FBXO10: variants seen among roughly 807,000 people sequenced by gnomAD.
FBXO10 encodes F-box only protein 10.
A neutral mutation model predicts 80.7 loss-of-function variants in FBXO10; 39 were observed. The observed-to-expected ratio is 0.48, with a 90% CI of 0.37 to 0.63. FBXO10 has a LOEUF of 0.63. Among genes scored for constraint, FBXO10 ranks in the 30% least tolerant of loss-of-function variants. The probability of loss-of-function intolerance (pLI) is 0.00; values close to 1 mark genes in which losing one functional copy is unlikely to be tolerated. For synonymous variants in FBXO10, 449 were observed against 489.6 expected, an observed-to-expected ratio of 0.92 and a Z score of 1.09; for missense variants, 1,025 against 1,269.0, an observed-to-expected ratio of 0.81 and a Z score of 2.92.
intron 8 of FBXO10, among the ~76,000 whole-genome samples, chr9:37,520,325 T>C (rs1007110295): frequency 4.0e-5 from 6 of 149,740 alleles, no homozygotes; most frequent in African/African-American, 1.5e-4. Context: ...TTTTTTTTTT[T>C]TTTTTTTTCC....
At chr9:37,513,220 A>T (rs1451709835) in intron 10 of FBXO10, among the ~76,000 whole-genome samples, 1 of 152,190 alleles carries the variant, frequency 6.6e-6, no homozygotes, top group Non-Finnish European at 1.5e-5. Flanking sequence ...GCCGGTCTTA[A>T]ACTCCTGGGC....
rs939725856 is a variant in FBXO10 at position 37,511,395 on chromosome 9, C to T, written c.*1152G>A. 6.5e-6 allele frequency: 1 copy of T among 152,824 alleles called. No individual in the cohort carries two copies. The highest frequency in any genetic ancestry group is 1.5e-5 in the Non-Finnish European group (1 of 68,414). 9.5% of individuals were successfully genotyped at this position (152,824 alleles called of 1,614,324 possible). ...CCTCACTCAGGCCACTAATCCTACC[C>T]CAACCCCAGGCTGGATCTGGGGACA... On this transcript the variant is annotated 3_prime_UTR_variant, in exon 11 of 11. Transcript: ENST00000432825.
intron 5 of FBXO10, 51 bp from the exon 6 acceptor site, chr9:37,525,223 C>A: frequency 6.6e-7 from 1 of 1,510,264 alleles, no homozygotes; most frequent in South Asian, 1.2e-5. Flanking sequence ...GCATCAATGT[C>A]ATGCTTCCAG....
chr9:37,555,247 G>T (rs1046713207), intron 1 of FBXO10, among the ~76,000 whole-genome samples: 2 of 151,822 alleles, frequency 1.3e-5, no homozygotes, highest in Non-Finnish European at 2.9e-5. Flanking sequence ...TATCATTCTG[G>T]TGGGTATGTA....
Position 37,566,583 on chromosome 9 carries a change from G to A in FBXO10, c.-7+9628C>T, listed in dbSNP as rs529812157. On this transcript the variant is annotated intron_variant, in intron 1 of 10. Coordinates refer to ENST00000432825, the MANE Select transcript of FBXO10 (RefSeq NM_012166.3). Reference sequence around the variant, plus strand: ...GGCACACAAGCCTCACAGGCACAGCGTAAATAACTACAAACTGTATTAACT... The same window carrying A: ...GGCACACAAGCCTCACAGGCACAGCATAAATAACTACAAACTGTATTAACT... Among the ~76,000 whole-genome samples the A allele has an allele frequency of 3.3e-5, 5 of 152,164 alleles. No individual in the cohort carries two copies. The East Asian group carries it at 5.8e-4, about 18-fold the overall frequency.
In FBXO10 at chr9:37,541,271, C is replaced by T; in HGVS notation, c.498G>A (p.Leu166=). 1 of 1,613,964 alleles carries T rather than the reference C, an allele frequency of 6.2e-7. No homozygotes were observed. The highest frequency in any genetic ancestry group is 8.5e-7 in the Non-Finnish European group (1 of 1,179,876). ...VGQGKLGEVA[L]LASIDQHCST... is the part of the protein sequence containing the mutation. ...AGCAGTGCTGATCAATGCTGGCCAG[C>T]AGGGCCACTTCACCCAACTTCCCCT... Residue 166 remains leucine (L), a synonymous_variant, in exon 2 of 11, where the codon CTG becomes CTA. Transcript: ENST00000432825.
At chr9:37,528,995 G>T in intron 5 of FBXO10, 129 bp downstream of exon 5, 1 of 1,239,196 alleles carries the variant, frequency 8.1e-7, no homozygotes, top group Non-Finnish European at 1.1e-6. Context: ...GTGTTACTGG[G>T]GTGGGATGAT....
intron 8 of FBXO10, 56 bp from the exon 9 acceptor site, chr9:37,518,494 C>T (rs1821242820): frequency 1.4e-6 from 2 of 1,446,684 alleles, no homozygotes; most frequent in Non-Finnish European, 1.8e-6. Context: ...CCTGACACCA[C>T]CAGTCAGGAA....
chr9:37,543,204 C>T (rs1209789894), intron 1 of FBXO10, among the ~76,000 whole-genome samples: 1 of 152,222 alleles, frequency 6.6e-6, no homozygotes, highest in Non-Finnish European at 1.5e-5. Context: ...TACCTACTTG[C>T]TTTTTCTGGA....
At chr9:37,521,866 G>C in intron 7 of FBXO10, 28 bp from the exon 8 acceptor site, 1 of 1,538,350 alleles carries the variant, frequency 6.5e-7, no homozygotes. Context: ...GCTGGTCACC[G>C]ACACTGAACT....
At chr9:37,528,286 A>C (rs965692371) in intron 5 of FBXO10, among the ~76,000 whole-genome samples, 3 of 152,180 alleles carry the variant, frequency 2.0e-5, no homozygotes, top group African/African-American at 7.2e-5. Context: ...GTCTGCCGCA[A>C]GGACGTCAAG....
rs1015984437 is a variant in FBXO10 at position 37,515,974 on chromosome 9, T to C, written c.2626A>G (p.Ile876Val). ...IIFQGKTSKT[I>V]FQQISNNREC... ...CGGTTGTTTGAGATCTGCTGAAAGA[T>C]GGTCTTACTGGTTTTGCCCTGGAAG... Residue 876 changes from isoleucine to valine, a missense_variant, in exon 10 of 11, where the codon ATC becomes GTC. Physicochemically the swap from Ile to Val is conservative, Grantham distance 29. Around this residue, in one of 3 missense-constraint regions of FBXO10, gnomAD observed 478 missense variants for 667.8 expected, o/e 0.72. Transcript: ENST00000432825. 5 of 1,613,948 alleles carry C rather than the reference T, an allele frequency of 3.1e-6. No individual in the cohort carries two copies. The highest frequency in any genetic ancestry group is 2.7e-5 in the African/African-American group (2 of 74,938).
chr9:37,567,549 C>T (rs1023583206), intron 1 of FBXO10, among the ~76,000 whole-genome samples: 1 of 152,098 alleles, frequency 6.6e-6, no homozygotes. Context: ...TAGTGCATAA[C>T]AATTGCAGGA....
chr9:37,572,702 T>C (rs1167517436), intron 1 of FBXO10, among the ~76,000 whole-genome samples: 1 of 152,224 alleles, frequency 6.6e-6, no homozygotes, highest in East Asian at 1.9e-4. Flanking sequence ...GAGGAAATTA[T>C]GATTTGGAAG....
Position 37,512,715 on chromosome 9 carries a change from A to T in FBXO10, c.2703T>A (p.Asp901Glu), listed in dbSNP as rs201715857. 3.3e-4 allele frequency: 535 copies of T among 1,613,368 alleles called. No individual in the cohort carries two copies. The highest frequency in any genetic ancestry group is 4.2e-4 in the Non-Finnish European group (491 of 1,179,596). The change falls in exon 11 of 11, where the codon GAT becomes GAA. Residue 901 changes from aspartate (D) to glutamate (E), a missense_variant. By Grantham distance (45) the Asp-to-Glu change is conservative. Around this residue, in one of 3 missense-constraint regions of FBXO10, gnomAD observed 97 missense variants for 101.8 expected, o/e 0.95. Coordinates refer to ENST00000432825, the MANE Select transcript of FBXO10 (RefSeq NM_012166.3). Reference protein sequence around the residue: ...NKFLVFKKKSDTWRLVNPPAR... With the variant: ...NKFLVFKKKSETWRLVNPPAR... ...CTGGTGGGTTCACCAGGCGCCACGT[A>T]TCAGACCTGGAGGTGCAAAACGAAA... is the stretch of plus-strand genomic sequence containing the variant.
At chr9:37,512,911 G>A (rs1488247623) in intron 10 of FBXO10, among the ~76,000 whole-genome samples, 190 bp from the exon 11 acceptor site, 1 of 152,208 alleles carries the variant, frequency 6.6e-6, no homozygotes, top group Non-Finnish European at 1.5e-5. Flanking sequence ...CAAAAGCCCT[G>A]CATTCCACGT....
chr9:37,528,626 C>T (rs11790325), intron 5 of FBXO10, among the ~76,000 whole-genome samples: 10,922 of 152,232 alleles, frequency 0.072, 511 homozygotes, highest in South Asian at 0.12. Context: ...CAGCATTTAT[C>T]ACAGTCTGCC....
At position 37,522,596 on chromosome 9, in the gene FBXO10, G is replaced by A. The variant is rs78562944; in HGVS notation, c.1930+229C>T. 47 of 1,294,592 alleles carry A rather than the reference G, an allele frequency of 3.6e-5. No individual in the cohort carries two copies. The East Asian group carries it at 1.3e-3, about 35-fold the overall frequency. The allele number at this position is 1,294,592 out of a possible 1,614,324, so 80.2% of individuals were successfully genotyped here. A position where few individuals can be genotyped will look rare whatever the true frequency, so the allele number is the denominator to read the frequency against. On this transcript the variant is annotated intron_variant, in intron 7 of 10. Transcript: ENST00000432825. Reference sequence around the variant, plus strand: ...CTCCTGTCTTTTGCTATTTTAAAAGGGGATAAAGCCTTCTGCTTTGCTAAC... The same window carrying A: ...CTCCTGTCTTTTGCTATTTTAAAAGAGGATAAAGCCTTCTGCTTTGCTAAC...
Position 37,512,505 on chromosome 9 carries a change from T to A in FBXO10, c.*42A>T, listed in dbSNP as rs1416620915. ...GGCAGTATTTCCACCTTAGCTCCTC[T>A]GAGCACCCATCCAGGCTTGGCCCTG... On this transcript the variant is annotated 3_prime_UTR_variant, in exon 11 of 11. Transcript: ENST00000432825. 1.9e-6 allele frequency: 3 copies of A among 1,591,308 alleles called. No individual in the cohort carries two copies. In the East Asian group the frequency reaches 6.7e-5, roughly 36 times the overall value.
Sources: allele counts gnomAD v4.1 joint callset (sites outside exome capture counted in the v4.1 genomes callset), GRCh38; gene constraint gnomAD v4.1.1; regional missense constraint gnomAD v4.1.1; transcripts MANE v1.5; gene names NCBI Gene and HGNC (gene_info 2026-07-23, HGNC 2026-07-21).